Variants in B4GALNT4 observed in about 807,000 individuals in gnomAD.
B4GALNT4 encodes N-acetyl-beta-glucosaminyl-glycoprotein 4-beta-N-acetylgalactosaminyltransferase 1.
In B4GALNT4, 77 loss-of-function variants were observed where a neutral mutation model predicts 110.0. The observed-to-expected ratio is 0.70, with a 90% CI of 0.58 to 0.85. The LOEUF (loss-of-function observed/expected upper bound fraction) is 0.85. Among genes scored for constraint, B4GALNT4 ranks in the 40% least tolerant of loss-of-function variants. The pLI is 0.00. For synonymous variants in B4GALNT4, 785 were observed against 655.5 expected, an observed-to-expected ratio of 1.20 and a Z score of -3.02; for missense variants, 1,575 against 1,506.0, an observed-to-expected ratio of 1.05 and a Z score of -0.76.
In B4GALNT4 at chr11:376,937, G is replaced by A; in HGVS notation, c.1814G>A (p.Arg605His). The stretch of plus-strand genomic sequence containing the variant: ...CAAGGGGGCCGGGAGGGCCAGGCGC[G>A]CACGCTGGGACCTGCGGCGCCCACA... ...ATQGGREGQA[R>H]TLGPAAPTVD... Residue 605 changes from arginine to histidine, a missense_variant, in exon 14 of 20, where the codon CGC (arginine) becomes CAC (histidine). Transcript: ENST00000329962. 2.1e-6 allele frequency: 3 copies of A among 1,427,492 alleles called. No individual in the cohort carries two copies. Among genetic ancestry groups the A allele is most frequent in the South Asian group, 1.5e-5 (1 of 66,590 alleles). 88.4% of individuals were successfully genotyped at this position (1,427,492 alleles called of 1,614,324 possible).
rs1394325760 is a variant in B4GALNT4 at position 379,510 on chromosome 11, G to A, written c.2297G>A (p.Arg766His). ...CTGCTGGAGCTGGAGCTGCAGGAGCGCGGGGGCGGCCGCCTGCGACTGTCC... is the reference window on the plus strand; with the variant it reads ...CTGCTGGAGCTGGAGCTGCAGGAGCACGGGGGCGGCCGCCTGCGACTGTCC... ...RFLLELELQE[R>H]GGGRLRLSEY... is the part of the protein sequence containing the mutation. Residue 766 changes from arginine to histidine, a missense_variant, in exon 15 of 20, where the codon CGC becomes CAC. Physicochemically the swap from Arg to His is conservative, Grantham distance 29. Transcript: ENST00000329962. 1.9e-6 allele frequency: 3 copies of A among 1,576,266 alleles called. No individual in the cohort carries two copies. The African/African-American group carries it at 4.1e-5, about 21-fold the overall frequency.
intron 1 of B4GALNT4, among the ~76,000 whole-genome samples, chr11:370,591 G>A (rs1201606936): frequency 6.6e-6 from 1 of 152,168 alleles, no homozygotes; most frequent in African/African-American, 2.4e-5. Context: ...GCCGGGGTAG[G>A]GCCTCCTGGA....
At position 376,452 on chromosome 11, in the gene B4GALNT4, G is replaced by T; in HGVS notation, c.1329G>T (p.Leu443=). Residue 443 remains leucine (L), a synonymous_variant, in exon 14 of 20, where the codon CTG becomes CTT. Transcript: ENST00000329962. ...TGGACGACGAGGACGAGGGGGAGCT[G>T]CTCGACAGCCTGGAGCCCACCGAGG... ...DFLDDEDEGE[L]LDSLEPTEAA... 6.3e-7 allele frequency: 1 copy of T among 1,595,766 alleles called. No individual in the cohort carries two copies. Among genetic ancestry groups the T allele is most frequent in the Non-Finnish European group, 8.5e-7 (1 of 1,178,346 alleles).
chr11:379,416 A>C lies in B4GALNT4; in HGVS notation c.2205-2A>C, dbSNP rs1175135545. On this transcript the variant is annotated splice_acceptor_variant, in intron 14 of 19. Coordinates refer to ENST00000329962, the MANE Select transcript of B4GALNT4 (RefSeq NM_178537.5). LOFTEE classifies it high-confidence loss of function. ...GTACCGGCTGACCGCTGAGCCTTGC[A>C]GGCGCTTCGCGCTTCTGCGCATCGT... 6.6e-7 allele frequency: 1 copy of C among 1,507,452 alleles called. No homozygotes were observed. The highest frequency in any genetic ancestry group is 8.8e-7 in the Non-Finnish European group (1 of 1,136,366). The allele number at this position is 1,507,452 out of a possible 1,614,324, so 93.4% of individuals were successfully genotyped here. A position where few individuals can be genotyped will look rare whatever the true frequency, so the allele number is the denominator to read the frequency against.
intron 10 of B4GALNT4, 30 bp downstream of exon 10, chr11:375,803 C>A: frequency 6.2e-7 from 1 of 1,602,178 alleles, no homozygotes; most frequent in South Asian, 1.1e-5. Context: ...GGGGCGAGGG[C>A]GGGGGTGCCT....
chr11:372,816 C>A, intron 3 of B4GALNT4, 36 bp from the exon 4 acceptor site: 1 of 1,484,552 alleles, frequency 6.7e-7, no homozygotes, highest in Non-Finnish European at 9.0e-7. Flanking sequence ...GGGGGGGCGG[C>A]GGGCCGTGCA....
chr11:376,184 C>T lies in B4GALNT4; in HGVS notation c.1196+10C>T, dbSNP rs367962374. On this transcript the variant is annotated intron_variant, in intron 12 of 19. Transcript: ENST00000329962. Reference sequence around the variant, plus strand: ...CGCTGTATCTGGAGAGGTGGGCGCGCGGCCGGGCTAATGCGGGGCGGGGTG... The same window carrying T: ...CGCTGTATCTGGAGAGGTGGGCGCGTGGCCGGGCTAATGCGGGGCGGGGTG... 19 of 915,454 alleles carry T rather than the reference C, an allele frequency of 2.1e-5. No individual in the cohort carries two copies. Among genetic ancestry groups the T allele is most frequent in the East Asian group, 1.1e-4 (2 of 18,530 alleles). 56.7% of individuals were successfully genotyped at this position (915,454 alleles called of 1,614,324 possible). A position where few individuals can be genotyped will look rare whatever the true frequency, so the allele number is the denominator to read the frequency against.
rs1056814520 is a variant in B4GALNT4 at position 372,146 on chromosome 11, G to A, written c.189G>A (p.Gly63=). 1.3e-6 allele frequency: 2 copies of A among 1,549,890 alleles called. No homozygotes were observed. The highest frequency in any genetic ancestry group is 1.7e-6 in the Non-Finnish European group (2 of 1,146,832). Residue 63 remains glycine, a synonymous_variant, in exon 2 of 20, where the codon GGG becomes GGA. Transcript: ENST00000329962. ...TGACCAGTGAGACCGACGGCCGGGG[G>A]GTCCACGCTGCGCCATCCACACAGA... The part of the protein sequence containing the change: ...EKLTSETDGR[G]VHAAPSTQRA...
rs1367980821 is a variant in B4GALNT4, at chr11:369,879, G to A, written c.76G>A (p.Ala26Thr). The A allele has an allele frequency of 1.0e-6, 1 of 995,640 alleles. No homozygotes were observed. The highest frequency in any genetic ancestry group is 1.2e-6 in the Non-Finnish European group (1 of 837,666). 61.7% of individuals were successfully genotyped at this position (995,640 alleles called of 1,614,324 possible). Residue 26 changes from alanine to threonine, a missense_variant, in exon 1 of 20, where the codon GCG (alanine) becomes ACG (threonine). Transcript: ENST00000329962. ...LLLLLLLSCA[A>T]WLTYVHLGLV... Reference sequence around the variant, plus strand: ...GCTGCTGCTGCTGCTGAGCTGCGCCGCGTGGCTCACCTACGTGCACCTGGG... The same window carrying A: ...GCTGCTGCTGCTGCTGAGCTGCGCCACGTGGCTCACCTACGTGCACCTGGG...
In B4GALNT4 at chr11:377,158, G is replaced by A; in HGVS notation, c.2035G>A (p.Ala679Thr). 1.9e-6 allele frequency: 3 copies of A among 1,555,372 alleles called. No homozygotes were observed. Among genetic ancestry groups the A allele is most frequent in the African/African-American group, 1.4e-5 (1 of 72,912 alleles). Reference sequence around the variant, plus strand: ...GGCGCTCGGACGCTGGCGTGAGGACGCCATCGACTGGCAGCGCACGTTCAG... The same window carrying A: ...GGCGCTCGGACGCTGGCGTGAGGACACCATCGACTGGCAGCGCACGTTCAG... The part of the protein sequence containing the change: ...GPALGRWRED[A>T]IDWQRTFSVG... Residue 679 changes from alanine (A) to threonine (T), a missense_variant, in exon 14 of 20, where the codon GCC becomes ACC. Transcript: ENST00000329962.
chr11:372,102 C>T lies in B4GALNT4; in HGVS notation c.152-7C>T. On this transcript the variant is annotated splice_polypyrimidine_tract_variant and splice_region_variant and intron_variant, in intron 1 of 19. Transcript: ENST00000329962. ...GGCCCGAGACAGGCCTCATGTGCCA[C>T]CTGCAGATGGTGAGAAGCTGACCAG... 3 of 1,548,398 alleles carry T rather than the reference C, an allele frequency of 1.9e-6. No individual in the cohort carries two copies. Among genetic ancestry groups the T allele is most frequent in the Non-Finnish European group, 2.6e-6 (3 of 1,146,312 alleles).
In B4GALNT4 at chr11:369,833, T is replaced by C; in HGVS notation, c.30T>C (p.Arg10=). The change falls in exon 1 of 20, where the codon CGT becomes CGC. Residue 10 remains arginine (R), a synonymous_variant. Transcript: ENST00000329962. The part of the protein sequence containing the change: MPRLPVKKI[R]KQMKLLLLLL... ...CGCGGCTCCCGGTGAAGAAGATCCG[T>C]AAGCAGATGAAGCTGCTGCTGCTGC... is the stretch of plus-strand genomic sequence containing the variant. 1.0e-6 allele frequency: 1 copy of C among 987,430 alleles called. No homozygotes were observed. Among genetic ancestry groups the C allele is most frequent in the Non-Finnish European group, 1.2e-6 (1 of 832,780 alleles). 61.2% of individuals were successfully genotyped at this position (987,430 alleles called of 1,614,324 possible).
intron 8 of B4GALNT4, among the ~76,000 whole-genome samples, 156 bp from the exon 9 acceptor site, chr11:375,305 C>G (rs1009323503): frequency 6.6e-6 from 1 of 151,982 alleles, no homozygotes; most frequent in African/African-American, 2.4e-5. Context: ...CCTGCTGCCC[C>G]TTCTTGGAAC....
intron 14 of B4GALNT4, among the ~76,000 whole-genome samples, chr11:378,268 T>C (rs1846801760): frequency 6.6e-6 from 1 of 152,142 alleles, no homozygotes; most frequent in Non-Finnish European, 1.5e-5. Context: ...CAGACAGGTA[T>C]GCCTCTGCCT....
Position 380,925 on chromosome 11 carries a change from G to T in B4GALNT4, c.2970G>T (p.Gly990=). The T allele has an allele frequency of 6.2e-7, 1 of 1,613,364 alleles. No individual in the cohort carries two copies. The highest frequency in any genetic ancestry group is 1.1e-5 in the South Asian group (1 of 91,006). ...MNTEEFRDQW[G]GEDWELLDRV... ...CGGAGGAGTTCCGAGACCAGTGGGGGGGTGAAGACTGGGAGCTCCTGGACA... is the reference window on the plus strand; with the variant it reads ...CGGAGGAGTTCCGAGACCAGTGGGGTGGTGAAGACTGGGAGCTCCTGGACA... The change falls in exon 19 of 20, where the codon GGG becomes GGT. Residue 990 remains glycine (G), a synonymous_variant. Coordinates refer to ENST00000329962, the MANE Select transcript of B4GALNT4 (RefSeq NM_178537.5).
rs752570063 is a variant in B4GALNT4 at position 373,821 on chromosome 11, A to T, written c.776A>T (p.Glu259Val). The T allele has an allele frequency of 6.2e-7, 1 of 1,611,800 alleles. No individual in the cohort carries two copies. The highest frequency in any genetic ancestry group is 8.5e-7 in the Non-Finnish European group (1 of 1,179,784). ...GACGACCGCGGCTCGGACCACGTGG[A>T]AGTGGGCGTGAGTGCCTTCCTCCCC... ...KQDDRGSDHV[E>V]VGWRAFLPGL... The change falls in exon 8 of 20, where the codon GAA becomes GTA. Residue 259 changes from glutamate to valine, a missense_variant. Physicochemically the swap from Glu to Val is moderately radical, Grantham distance 121 (BLOSUM62 -2). Transcript: ENST00000329962.
In B4GALNT4 at chr11:372,839, C is replaced by A; in HGVS notation, c.349-13C>A. ...GGCGGGCCGTGCAGAAGGTAAGGCC[C>A]CCCCATCCCCAGTACAAGGGGCAGG... On this transcript the variant is annotated splice_polypyrimidine_tract_variant and intron_variant, in intron 3 of 19. Coordinates refer to ENST00000329962, the MANE Select transcript of B4GALNT4 (RefSeq NM_178537.5). 6.2e-7 allele frequency: 1 copy of A among 1,602,558 alleles called. No homozygotes were observed. Among genetic ancestry groups the A allele is most frequent in the Non-Finnish European group, 8.5e-7 (1 of 1,176,046 alleles).
intron 8 of B4GALNT4, 79 bp downstream of exon 8, chr11:373,907 C>T (rs1363006785): frequency 7.0e-7 from 1 of 1,431,322 alleles, no homozygotes; most frequent in Non-Finnish European, 9.7e-7. Flanking sequence ...AATGGGGTCC[C>T]CGTCCCAAAG....
At chr11:373,318 TC>T in intron 6 of B4GALNT4, 27 bp downstream of exon 6, 1 of 1,592,260 alleles carries the variant, frequency 6.3e-7, no homozygotes, top group South Asian at 1.1e-5. Flanking sequence ...CCTGGTGTCG[TC>T]CCGGGCCTCC....
Sources: allele counts gnomAD v4.1 joint callset (sites outside exome capture counted in the v4.1 genomes callset), GRCh38; gene constraint gnomAD v4.1.1; transcripts MANE v1.5; gene names NCBI Gene and HGNC (gene_info 2026-07-23, HGNC 2026-07-21).